Variants in SHANK2 observed in about 807,000 individuals in gnomAD.
SHANK2 encodes the protein SH3 and multiple ankyrin repeat domains protein 2.
Under a neutral mutation model 133.7 loss-of-function variants are expected in SHANK2, and 43 were observed. The observed-to-expected ratio is 0.32, with a 90% CI of 0.25 to 0.41. SHANK2 has a LOEUF of 0.41. Among genes scored for constraint, SHANK2 ranks in the 10% least tolerant of loss-of-function variants. The pLI is 1.00. For missense variants in SHANK2, 1,994 were observed against 2,235.8 expected, an observed-to-expected ratio of 0.89 and a Z score of 2.18; for synonymous variants, 1,017 against 952.8, an observed-to-expected ratio of 1.07 and a Z score of -1.24.
chr11:71,155,377 A>AGAG, intron 2 of SHANK2, among the ~76,000 whole-genome samples: 1 of 103,428 alleles, frequency 9.7e-6, no homozygotes, highest in Non-Finnish European at 1.9e-5. Context: ...CCACGCTCCC[A>AGAG]GAGGGGTGGA....
intron 12 of SHANK2, 35 bp downstream of exon 12, chr11:70,820,329 C>A (rs550099321): frequency 6.7e-6 from 4 of 598,348 alleles, no homozygotes; most frequent in African/African-American, 5.7e-5. Context: ...CAGCACGTGG[C>A]GGTCTTCCTT....
At chr11:70,684,081 G>A (rs1945091645) in intron 15 of SHANK2, among the ~76,000 whole-genome samples, 1 of 152,056 alleles carries the variant, frequency 6.6e-6, no homozygotes, top group Non-Finnish European at 1.5e-5. Flanking sequence ...ACTGCACCTG[G>A]CCCTGGATGC....
chr11:70,868,016 C>T (rs782704432), intron 11 of SHANK2, among the ~76,000 whole-genome samples: 2 of 152,256 alleles, frequency 1.3e-5, no homozygotes, highest in Non-Finnish European at 2.9e-5. Context: ...GAATTACCAG[C>T]GGGTCCACCC....
chr11:71,073,251 C>T (rs1199068768), intron 9 of SHANK2, among the ~76,000 whole-genome samples: 9 of 147,818 alleles, frequency 6.1e-5, no homozygotes, highest in South Asian at 4.4e-4. Flanking sequence ...CTCCGCCTCC[C>T]GGGTTCAAGC....
At chr11:70,501,833 G>C in intron 20 of SHANK2, 90 bp downstream of exon 20, 1 of 1,360,574 alleles carries the variant, frequency 7.3e-7, no homozygotes, top group South Asian at 1.3e-5. Flanking sequence ...AGCTCACACA[G>C]GCCTCCGAGG....
chr11:70,622,957 A>C (rs2060851332), intron 17 of SHANK2, among the ~76,000 whole-genome samples: 2 of 151,976 alleles, frequency 1.3e-5, no homozygotes, highest in South Asian at 2.1e-4. Flanking sequence ...CGGGTGGATC[A>C]CCTGAGGTCA....
intron 17 of SHANK2, among the ~76,000 whole-genome samples, chr11:70,598,073 G>A (rs1046876020): frequency 8.5e-5 from 13 of 152,328 alleles, no homozygotes; most frequent in African/African-American, 3.1e-4. Flanking sequence ...GGACACTCAG[G>A]GGTGGAGTGG....
At chr11:71,128,094 T>C (rs1168302439) in intron 3 of SHANK2, among the ~76,000 whole-genome samples, 2 of 152,244 alleles carry the variant, frequency 1.3e-5, no homozygotes, top group Non-Finnish European at 2.9e-5. Flanking sequence ...CTGCTCCGAC[T>C]GCCCACGGCC....
At chr11:71,186,877 CTCACCATCCAGAAGTG>C (rs1282380811) in intron 2 of SHANK2, among the ~76,000 whole-genome samples, 1 of 152,246 alleles carries the variant, frequency 6.6e-6, no homozygotes, top group Non-Finnish European at 1.5e-5. Flanking sequence ...CCAGCCTCAC[CTCACCATCCAGAAGTG>C]TCACAGATGA....
chr11:71,077,042 A>T (rs1255982755), intron 8 of SHANK2, among the ~76,000 whole-genome samples: 1 of 152,178 alleles, frequency 6.6e-6, no homozygotes, highest in African/African-American at 2.4e-5. Flanking sequence ...AGAGACATGC[A>T]CAAAGCCAAG....
intron 6 of SHANK2, among the ~76,000 whole-genome samples, chr11:71,104,415 G>A (rs1388194886): frequency 2.6e-5 from 4 of 152,146 alleles, no homozygotes; most frequent in Non-Finnish European, 5.9e-5. Flanking sequence ...GATGTCATCC[G>A]TGTGGCCAGG....
chr11:70,764,825 TTCCATCCATCCA>T (rs67258133), intron 14 of SHANK2, among the ~76,000 whole-genome samples: 139 of 149,818 alleles, frequency 9.3e-4, no homozygotes, highest in African/African-American at 3.0e-3. Flanking sequence ...GCCTCCTCTC[TTCCATCCATCCA>T]TCCATCCATC....
At chr11:70,679,262 C>G (rs2134374270) in intron 15 of SHANK2, among the ~76,000 whole-genome samples, 1 of 152,368 alleles carries the variant, frequency 6.6e-6, no homozygotes, top group East Asian at 1.9e-4. Context: ...AACAAGGAAG[C>G]TGCGGCTCAG....
chr11:70,918,983 A>G (rs951368016), intron 10 of SHANK2, among the ~76,000 whole-genome samples: 2 of 151,992 alleles, frequency 1.3e-5, no homozygotes, highest in African/African-American at 4.8e-5. Context: ...GGACAGCATA[A>G]TAAGACCCCA....
At chr11:70,730,658 C>T (rs549674263) in intron 14 of SHANK2, among the ~76,000 whole-genome samples, 57 of 152,274 alleles carry the variant, frequency 3.7e-4, no homozygotes, top group African/African-American at 1.3e-3. Context: ...CCTGGCCAGG[C>T]CAGCATCTCC....
At chr11:71,071,662 T>G (rs1951143791) in intron 9 of SHANK2, among the ~76,000 whole-genome samples, 1 of 151,084 alleles carries the variant, frequency 6.6e-6, no homozygotes, top group African/African-American at 2.4e-5. Flanking sequence ...TGCATAGGAG[T>G]TTTCCAGGGC....
At chr11:70,746,097 TG>T (rs1946631470) in intron 14 of SHANK2, among the ~76,000 whole-genome samples, 1 of 152,204 alleles carries the variant, frequency 6.6e-6, no homozygotes. Context: ...GCTGAGGACC[TG>T]CTGGGTCAGA....
At chr11:70,659,784 G>C in intron 17 of SHANK2, 44 bp downstream of exon 17, 1 of 1,613,132 alleles carries the variant, frequency 6.2e-7, no homozygotes, top group Non-Finnish European at 8.5e-7. Context: ...CCCGAGAGTC[G>C]GCGCTCTCCC....
At chr11:70,724,167 C>T (rs144288822) in intron 14 of SHANK2, among the ~76,000 whole-genome samples, 243 of 152,044 alleles carry the variant, frequency 1.6e-3, no homozygotes, top group African/African-American at 5.3e-3. Context: ...TCCTGAGTAC[C>T]TGGGATTACA....
Sources: gnomAD v4.1 joint callset for allele counts (sites outside exome capture counted in the v4.1 genomes callset) on GRCh38, gnomAD v4.1.1 for gene constraint, MANE v1.5 for transcripts, NCBI Gene and HGNC (gene_info 2026-07-23, HGNC 2026-07-21) for gene names.